The following KCNB2 variants were observed in gnomAD, a reference collection of about 807,000 sequenced individuals.
The protein encoded by KCNB2 is delayed rectifier potassium channel protein.
In KCNB2, 15 loss-of-function variants were observed where a neutral mutation model predicts 61.5. The ratio of observed to expected loss-of-function variants is 0.24; its 90% CI spans 0.16 to 0.38. The LOEUF (loss-of-function observed/expected upper bound fraction) is 0.38, where lower values mean the gene tolerates loss of function less well. KCNB2 is among the 10% of genes least tolerant of loss of function. The pLI, the probability that KCNB2 is intolerant of heterozygous loss-of-function variation, is 1.00. For missense variants in KCNB2, 828 were observed against 1,125.2 expected, an observed-to-expected ratio of 0.74 and a Z score of 3.78; for synonymous variants, 457 against 446.0, an observed-to-expected ratio of 1.02 and a Z score of -0.31.
chr8:72,676,875 C>T (rs1806662492), intron 2 of KCNB2, among the ~76,000 whole-genome samples: 1 of 152,124 alleles, frequency 6.6e-6, no homozygotes, highest in Non-Finnish European at 1.5e-5. Context: ...CCCTGCAGCC[C>T]TTCCACTTTA....
chr8:72,630,252 G>A (rs2128984896), intron 2 of KCNB2, among the ~76,000 whole-genome samples: 1 of 152,146 alleles, frequency 6.6e-6, no homozygotes, highest in Middle Eastern at 3.4e-3. Context: ...AGTTACCATG[G>A]TTATAGGAAT....
intron 2 of KCNB2, among the ~76,000 whole-genome samples, chr8:72,895,329 A>T (rs1437621860): frequency 2.0e-5 from 3 of 152,210 alleles, no homozygotes. Flanking sequence ...GTCAGCAGAC[A>T]GCTGTAGAAA....
chr8:72,662,230 G>A (rs998769728), intron 2 of KCNB2, among the ~76,000 whole-genome samples: 1 of 152,114 alleles, frequency 6.6e-6, no homozygotes, highest in African/African-American at 2.4e-5. Flanking sequence ...CCAGCACAGT[G>A]CAAAGGATCA....
rs140013850 is a variant in KCNB2, at chr8:72,561,968, T to C, written c.-93-5674T>C. On this transcript the variant is annotated intron_variant, in intron 1 of 2. Coordinates refer to ENST00000523207, the MANE Select transcript of KCNB2 (RefSeq NM_004770.3). ...CTCTTCAGATATCTACTGCAAATCA[T>C]CTTGTGGTTCTTTGAAACATAGTTT... Among the ~76,000 whole-genome samples the C allele has an allele frequency of 3.5e-3, 523 of 151,242 alleles. 18 individuals carry two copies. The East Asian group carries it at 0.08, about 23-fold the overall frequency.
rs867927789 is a variant in KCNB2, at chr8:72,778,760, A to G, written c.580-157175A>G. Among the ~76,000 whole-genome samples, 288 of 140,928 alleles carry G rather than the reference A, an allele frequency of 2.0e-3. 2 individuals are homozygous for G. The highest frequency in any genetic ancestry group is 6.8e-3 in the African/African-American group (263 of 38,568). 92.5% of individuals were successfully genotyped at this position (140,928 alleles called of 152,430 possible). A position where few individuals can be genotyped will look rare whatever the true frequency, so the allele number is the denominator to read the frequency against. On this transcript the variant is annotated intron_variant, in intron 2 of 2. Coordinates refer to ENST00000523207, the MANE Select transcript of KCNB2 (RefSeq NM_004770.3). ...AAAAAAAAAAAAAAAAAAAAAAAAA[A>G]AAAGAAAGAAAGAAAGAAAAAGAAA... is the stretch of plus-strand genomic sequence containing the variant.
chr8:72,827,699 C>A (rs559882909), intron 2 of KCNB2, among the ~76,000 whole-genome samples: 2 of 152,108 alleles, frequency 1.3e-5, no homozygotes, highest in East Asian at 1.9e-4. Context: ...GAATATTGTT[C>A]TTTCTACAAC....
At chr8:72,663,207 A>G (rs975423012) in intron 2 of KCNB2, among the ~76,000 whole-genome samples, 2 of 151,920 alleles carry the variant, frequency 1.3e-5, no homozygotes, top group African/African-American at 4.8e-5. Context: ...TACGGTTTGC[A>G]CAACTAGTAG....
intron 2 of KCNB2, among the ~76,000 whole-genome samples, chr8:72,698,905 A>C (rs531534253): frequency 6.6e-6 from 1 of 152,324 alleles, no homozygotes; most frequent in African/African-American, 2.4e-5. Context: ...GCAAACTATA[A>C]GAATCATAGA....
At chr8:72,571,081 G>T (rs902906509) in intron 2 of KCNB2, among the ~76,000 whole-genome samples, 5 of 152,132 alleles carry the variant, frequency 3.3e-5, no homozygotes, top group African/African-American at 1.2e-4. Context: ...AAGCTATTAA[G>T]ATTATTTGCC....
At chr8:72,844,767 T>C (rs562094604) in intron 2 of KCNB2, among the ~76,000 whole-genome samples, 28 of 152,358 alleles carry the variant, frequency 1.8e-4, no homozygotes, top group African/African-American at 6.7e-4. Flanking sequence ...GAAGTTCTTG[T>C]GCTGTGTTTT....
intron 2 of KCNB2, among the ~76,000 whole-genome samples, chr8:72,793,100 A>G (rs1372167462): frequency 2.6e-5 from 4 of 152,222 alleles, no homozygotes; most frequent in African/African-American, 9.6e-5. Flanking sequence ...TCAATTTCAA[A>G]TATCCTTTCG....
At chr8:72,856,914 T>C (rs1810216629) in intron 2 of KCNB2, among the ~76,000 whole-genome samples, 1 of 152,204 alleles carries the variant, frequency 6.6e-6, no homozygotes, top group Non-Finnish European at 1.5e-5. Flanking sequence ...CAACAAAGTA[T>C]CCTGCCCCCC....
At chr8:72,645,011 A>G (rs2128985966) in intron 2 of KCNB2, among the ~76,000 whole-genome samples, 1 of 152,312 alleles carries the variant, frequency 6.6e-6, no homozygotes, top group African/African-American at 2.4e-5. Flanking sequence ...AAACAGTGCC[A>G]GAGTTTCCTA....
At chr8:72,594,693 C>T (rs1807158414) in intron 2 of KCNB2, among the ~76,000 whole-genome samples, 1 of 152,138 alleles carries the variant, frequency 6.6e-6, no homozygotes, top group African/African-American at 2.4e-5. Context: ...TCAGCAGATC[C>T]AACTCAGTAA....
At chr8:72,667,006 T>TGA (rs1554582835) in intron 2 of KCNB2, among the ~76,000 whole-genome samples, 121 of 147,932 alleles carry the variant, frequency 8.2e-4, no homozygotes, top group African/African-American at 2.8e-3. Context: ...TGTGTGTGTG[T>TGA]GAGAGAGAGA....
intron 2 of KCNB2, among the ~76,000 whole-genome samples, chr8:72,709,079 G>A (rs867621145): frequency 9.9e-5 from 15 of 152,252 alleles, no homozygotes; most frequent in Middle Eastern, 6.8e-3. Flanking sequence ...TGATAATACT[G>A]CTCTAAGTAC....
At chr8:72,567,142 G>A in intron 1 of KCNB2, among the ~76,000 whole-genome samples, 1 of 151,990 alleles carries the variant, frequency 6.6e-6, no homozygotes, top group East Asian at 1.9e-4. Flanking sequence ...GCAACATGGA[G>A]AAACCCCATC....
intron 2 of KCNB2, among the ~76,000 whole-genome samples, chr8:72,857,641 A>T (rs1197029312): frequency 1.3e-5 from 2 of 152,146 alleles, no homozygotes; most frequent in Non-Finnish European, 2.9e-5. Context: ...CAATGGGGCA[A>T]GGTGGCAGAC....
chr8:72,766,251 A>G (rs1017674622), intron 2 of KCNB2, among the ~76,000 whole-genome samples: 9 of 152,176 alleles, frequency 5.9e-5, no homozygotes, highest in African/African-American at 2.2e-4. Flanking sequence ...AATTGATTTA[A>G]GTGCAACCTG....
Sources: allele counts gnomAD v4.1 joint callset (sites outside exome capture counted in the v4.1 genomes callset), GRCh38; gene constraint gnomAD v4.1.1; transcripts MANE v1.5; gene names NCBI Gene and HGNC (gene_info 2026-07-23, HGNC 2026-07-21).